Variants in SLC71A2 observed in about 807,000 individuals in gnomAD.
The protein encoded by SLC71A2 is hippocampus abundant transcript-like 1.
chr9:94,429,733 A>G, the SLC71A2 span, among the ~76,000 whole-genome samples: 1 of 152,002 alleles, frequency 6.6e-6, no homozygotes, highest in Admixed American at 6.6e-5. Context: ...ACGGCTTTAA[A>G]CCGTTTTCCT....
the SLC71A2 span, chr9:94,458,348 A>G: frequency 1.9e-6 from 3 of 1,612,194 alleles, no homozygotes; most frequent in East Asian, 4.5e-5. Flanking sequence ...CATAACTGGA[A>G]TAAGAGGACT....
At chr9:94,434,717 C>T in the SLC71A2 span, among the ~76,000 whole-genome samples, 6 of 152,132 alleles carry the variant, frequency 3.9e-5, no homozygotes, top group Non-Finnish European at 8.8e-5. Context: ...ACCCTGTTAG[C>T]CATTCACTTA....
chr9:94,458,499 A>G, the SLC71A2 span: 25 of 1,593,280 alleles, frequency 1.6e-5, no homozygotes, highest in Non-Finnish European at 1.8e-5. Context: ...TGTAACAACA[A>G]TTATGTATGA....
At chr9:94,446,054 G>C in the SLC71A2 span, among the ~76,000 whole-genome samples, 1 of 152,194 alleles carries the variant, frequency 6.6e-6, no homozygotes, top group African/African-American at 2.4e-5. Context: ...GCTCCTCTGT[G>C]AAGTAGAGCT....
the SLC71A2 span, among the ~76,000 whole-genome samples, chr9:94,419,266 A>C: frequency 6.7e-6 from 1 of 149,760 alleles, no homozygotes; most frequent in Non-Finnish European, 1.5e-5. Context: ...GTTGTGCACC[A>C]CCACGCTTGG....
the SLC71A2 span, among the ~76,000 whole-genome samples, chr9:94,396,824 G>A: frequency 2.0e-5 from 3 of 152,140 alleles, no homozygotes; most frequent in South Asian, 2.1e-4. Context: ...AGGCTGGAGT[G>A]CACTGGCAGG....
At chr9:94,456,284 C>A in the SLC71A2 span, 1 of 1,614,116 alleles carries the variant, frequency 6.2e-7, no homozygotes, top group Admixed American at 1.7e-5. Context: ...TCCAGCATCA[C>A]GTTTCCGGCA....
the SLC71A2 span, chr9:94,429,300 C>G: frequency 6.5e-7 from 1 of 1,529,516 alleles, no homozygotes; most frequent in South Asian, 1.2e-5. Context: ...GTCAGGAATC[C>G]TTGGTAGTTT....
At chr9:94,453,212 T>C in the SLC71A2 span, among the ~76,000 whole-genome samples, 1 of 150,158 alleles carries the variant, frequency 6.7e-6, no homozygotes, top group East Asian at 2.0e-4. Context: ...TGCAGTGGTA[T>C]GATTTCGGCT....
chr9:94,419,157 A>C, the SLC71A2 span, among the ~76,000 whole-genome samples: 2 of 151,746 alleles, frequency 1.3e-5, no homozygotes, highest in South Asian at 2.1e-4. Flanking sequence ...CCTGTTGCCT[A>C]GGCTGAAATA....
At chr9:94,379,089 C>CTTTTTTT in the SLC71A2 span, among the ~76,000 whole-genome samples, 3 of 84,112 alleles carry the variant, frequency 3.6e-5, no homozygotes, top group East Asian at 7.9e-4. Flanking sequence ...TGTGCATTTC[C>CTTTTTTT]TTTTTTTTTT....
the SLC71A2 span, among the ~76,000 whole-genome samples, chr9:94,439,017 A>C: frequency 2.2e-5 from 2 of 92,548 alleles, no homozygotes; most frequent in Non-Finnish European, 4.4e-5. Context: ...TGTGAATTTG[A>C]GTTCGTTTTT....
the SLC71A2 span, among the ~76,000 whole-genome samples, chr9:94,419,763 C>T: frequency 6.9e-4 from 105 of 152,230 alleles, no homozygotes; most frequent in African/African-American, 2.5e-3. Context: ...TTTTTCTCAC[C>T]TTGAAGGTTG....
chr9:94,450,492 A>AATTTTTTTTTTT, the SLC71A2 span, among the ~76,000 whole-genome samples: 1 of 52,502 alleles, frequency 1.9e-5, no homozygotes, highest in African/African-American at 2.2e-4. Flanking sequence ...AAATAATGTA[A>AATTTTTTTTTTT]CTTTTTTTTT....
chr9:94,409,695 C>G, the SLC71A2 span, among the ~76,000 whole-genome samples: 1 of 151,912 alleles, frequency 6.6e-6, no homozygotes, highest in Admixed American at 6.6e-5. Flanking sequence ...AGTTTTGTAA[C>G]TTTCCTTGTG....
At chr9:94,400,572 A>AATT in the SLC71A2 span, among the ~76,000 whole-genome samples, 1 of 150,498 alleles carries the variant, frequency 6.6e-6, no homozygotes, top group East Asian at 1.9e-4. Flanking sequence ...CCAAATGAAA[A>AATT]AAAAAAAAAG....
chr9:94,393,663 A>G, the SLC71A2 span, among the ~76,000 whole-genome samples: 2 of 142,614 alleles, frequency 1.4e-5, no homozygotes, highest in African/African-American at 5.1e-5. Flanking sequence ...AATCGGGATA[A>G]TAATAGTTCC....
At chr9:94,395,290 T>C in the SLC71A2 span, among the ~76,000 whole-genome samples, 5,491 of 152,290 alleles carry the variant, frequency 0.036, 125 homozygotes, top group Middle Eastern at 0.095. Flanking sequence ...TTTTGCTGTT[T>C]AGAAGTACAG....
chr9:94,417,666 T>C, the SLC71A2 span, among the ~76,000 whole-genome samples: 1,212 of 152,270 alleles, frequency 8.0e-3, 18 homozygotes, highest in African/African-American at 0.028. Flanking sequence ...CTGTGATAGT[T>C]TGACTATGCT....
Sources: allele counts gnomAD v4.1 joint callset (sites outside exome capture counted in the v4.1 genomes callset), GRCh38; gene constraint gnomAD v4.1.1; transcripts MANE v1.5; gene names NCBI Gene and HGNC (gene_info 2026-07-23, HGNC 2026-07-21).